The following C11orf65 variants were observed in gnomAD, a reference collection of about 807,000 sequenced individuals.
C11orf65 encodes the protein protein MFI.
A neutral mutation model predicts 35.3 loss-of-function variants in C11orf65; 38 were observed. That is an observed-to-expected ratio of 1.08 (90% confidence interval 0.83 to 1.41). C11orf65 has a LOEUF of 1.41. C11orf65 is among the 40% of genes most tolerant of loss of function. The probability of loss-of-function intolerance (pLI) is 0.00; values close to 1 mark genes in which losing one functional copy is unlikely to be tolerated. For missense variants in C11orf65, 370 were observed against 367.1 expected, an observed-to-expected ratio of 1.01 and a Z score of -0.06; for synonymous variants, 105 against 114.4, an observed-to-expected ratio of 0.92 and a Z score of 0.53.
chr11:108,451,016 TAAC>T (rs1283075623), intron 2 of C11orf65, among the ~76,000 whole-genome samples: 1 of 151,846 alleles, frequency 6.6e-6, no homozygotes, highest in Non-Finnish European at 1.5e-5. Flanking sequence ...TTCAAAATAA[TAAC>T]AGCTATTTAT....
intron 3 of C11orf65, among the ~76,000 whole-genome samples, chr11:108,420,695 T>G (rs1414275358): frequency 6.6e-6 from 1 of 152,324 alleles, no homozygotes; most frequent in East Asian, 1.9e-4. Flanking sequence ...GAGCTCTCAG[T>G]ATTGTCATGA....
intron 2 of C11orf65, among the ~76,000 whole-genome samples, chr11:108,445,087 T>G (rs553785810): frequency 3.2e-4 from 48 of 152,238 alleles, no homozygotes; most frequent in Admixed American, 5.2e-4. Context: ...AGGCTTGATT[T>G]GGTAAACAAA....
In C11orf65 at chr11:108,399,395, T is replaced by C. The variant is rs552298456; in HGVS notation, c.561-6017A>G. On this transcript the variant is annotated intron_variant, in intron 6 of 8. Transcript: ENST00000393084. ...AATGAGATCCCTACCTCAGGCTTTT[T>C]CCCCTTCAAATGAAGTGGAAAACCA... is the stretch of plus-strand genomic sequence containing the variant. 2.6e-5 allele frequency among the ~76,000 whole-genome samples: 4 copies of C among 152,342 alleles called. No individual in the cohort carries two copies. The South Asian group carries it at 8.3e-4, about 32-fold the overall frequency.
intron 2 of C11orf65, among the ~76,000 whole-genome samples, chr11:108,436,525 G>C (rs1476079793): frequency 6.6e-6 from 1 of 152,146 alleles, no homozygotes; most frequent in Non-Finnish European, 1.5e-5. Context: ...TGGAAGCATG[G>C]TTTTGATTCT....
At chr11:108,317,558 T>C (rs780640861) in intron 6 of C11orf65, 8 of 1,562,856 alleles carry the variant, frequency 5.1e-6, no homozygotes, top group South Asian at 3.3e-5. Context: ...TTTTTGCCTC[T>C]CTCCTCATTC....
intron 6 of C11orf65, among the ~76,000 whole-genome samples, chr11:108,400,408 A>C (rs1291428759): frequency 2.6e-5 from 4 of 152,192 alleles, no homozygotes; most frequent in East Asian, 1.9e-4. Context: ...CAATCAAGGT[A>C]AGGTCATCAA....
chr11:108,455,972 C>T (rs80307650), intron 2 of C11orf65, among the ~76,000 whole-genome samples: 4 of 151,682 alleles, frequency 2.6e-5, no homozygotes, highest in Non-Finnish European at 4.4e-5. Context: ...ACGGGCAACA[C>T]GGCAAGACAC....
chr11:108,408,738 T>TA (rs1460258946), intron 3 of C11orf65, among the ~76,000 whole-genome samples: 1 of 139,392 alleles, frequency 7.2e-6, no homozygotes, highest in African/African-American at 2.9e-5. Context: ...TAAAATGATA[T>TA]AAGAATTGTA....
chr11:108,352,395 T>G (rs1281290432), intron 2 of C11orf65, among the ~76,000 whole-genome samples: 2 of 152,096 alleles, frequency 1.3e-5, no homozygotes, highest in African/African-American at 4.8e-5. Context: ...ATAAAAAATT[T>G]CAACTGCAGA....
At chr11:108,419,669 TC>T (rs1352523430) in intron 3 of C11orf65, among the ~76,000 whole-genome samples, 26 of 152,296 alleles carry the variant, frequency 1.7e-4, no homozygotes, top group African/African-American at 5.8e-4. Flanking sequence ...ACCAATGCAC[TC>T]CAGCCTGGGT....
chr11:108,438,736 T>C (rs537192101), intron 2 of C11orf65, among the ~76,000 whole-genome samples: 32 of 151,832 alleles, frequency 2.1e-4, no homozygotes, highest in South Asian at 2.1e-4. Context: ...CTGGGTGCAG[T>C]GGCTCACGCT....
chr11:108,328,362 T>G (rs957411331), downstream of C11orf65, among the ~76,000 whole-genome samples: 1 of 152,176 alleles, frequency 6.6e-6, no homozygotes, highest in Admixed American at 6.5e-5. Flanking sequence ...TTCTCCTGCC[T>G]CAGCTTCCCA....
intron 2 of C11orf65, among the ~76,000 whole-genome samples, chr11:108,351,745 C>CAT (rs1463377160): frequency 6.6e-6 from 1 of 152,218 alleles, no homozygotes; most frequent in African/African-American, 2.4e-5. Flanking sequence ...CACATTATGT[C>CAT]ATCACATAGT....
At chr11:108,325,211 T>C in intron 6 of C11orf65, 2 of 813,450 alleles carry the variant, frequency 2.5e-6, no homozygotes, top group South Asian at 1.7e-5. Context: ...TCCTTTGTAT[T>C]ATTATAATAT....
downstream of C11orf65, among the ~76,000 whole-genome samples, chr11:108,330,746 T>G (rs2086165132): frequency 6.6e-6 from 1 of 152,144 alleles, no homozygotes; most frequent in South Asian, 2.1e-4. Context: ...GGGCATTAGA[T>G]TGGAGGATTT....
rs561827255 is a variant in C11orf65, at chr11:108,358,895, C to A, written c.227-23603G>T. ...GGAAGAAACTGCATCAACTAACGAA[C>A]AAAATCACCAGCTAACATCATAATG... On this transcript the variant is annotated intron_variant, in intron 2 of 3. Transcript: ENST00000524755. Among the ~76,000 whole-genome samples the A allele has an allele frequency of 4.0e-5, 6 of 151,826 alleles. No homozygotes were observed. In the East Asian group the frequency reaches 1.2e-3, roughly 29 times the overall value.
intron 3 of C11orf65, among the ~76,000 whole-genome samples, chr11:108,408,911 A>G (rs2092606589): frequency 6.6e-6 from 1 of 152,018 alleles, no homozygotes; most frequent in African/African-American, 2.4e-5. Context: ...CTTAAAGACA[A>G]CATTAATTTT....
chr11:108,317,674 C>CTATA (rs1241876600), intron 6 of C11orf65, among the ~76,000 whole-genome samples: 2 of 129,306 alleles, frequency 1.5e-5, no homozygotes, highest in African/African-American at 3.0e-5. Context: ...CACACACACA[C>CTATA]TATATATATA....
downstream of C11orf65, chr11:108,327,643 A>C (rs587782403): frequency 5.6e-6 from 9 of 1,612,802 alleles, no homozygotes; most frequent in Non-Finnish European, 7.6e-6. Context: ...TTTCTTATAC[A>C]GAACAATCCC....
Sources: gnomAD v4.1 joint callset for allele counts (sites outside exome capture counted in the v4.1 genomes callset) on GRCh38, gnomAD v4.1.1 for gene constraint, MANE v1.5 for transcripts, NCBI Gene and HGNC (gene_info 2026-07-23, HGNC 2026-07-21) for gene names.